The following NFIB variants were observed in gnomAD, a reference collection of about 807,000 sequenced individuals.
NFIB encodes the protein nuclear factor 1 B-type.
NFIB carries 11 observed loss-of-function variants against 61.5 expected under a neutral mutation model. The ratio of observed to expected loss-of-function variants is 0.18; its 90% CI spans 0.11 to 0.30. NFIB has a LOEUF of 0.30. Ranked by LOEUF, NFIB falls within the 10% of genes least tolerant of loss-of-function variation. The pLI, the probability that NFIB is intolerant of heterozygous loss-of-function variation, is 1.00. For missense variants in NFIB, 471 were observed against 608.9 expected, an observed-to-expected ratio of 0.77 and a Z score of 2.38; for synonymous variants, 260 against 216.5, an observed-to-expected ratio of 1.20 and a Z score of -1.76.
At chr9:14,157,234 C>A (rs913831429) in intron 3 of NFIB, among the ~76,000 whole-genome samples, 1 of 152,144 alleles carries the variant, frequency 6.6e-6, no homozygotes, top group East Asian at 1.9e-4. Context: ...GCACACTGGC[C>A]TCCAGACAGT....
At chr9:14,361,945 G>C (rs989862871) in intron 1 of NFIB, 3 of 152,124 alleles carry the variant, frequency 2.0e-5, no homozygotes, top group African/African-American at 7.2e-5. Flanking sequence ...CAGCAAGTTT[G>C]CTTTTTCCTT....
At chr9:14,169,801 G>A (rs971086682) in intron 3 of NFIB, among the ~76,000 whole-genome samples, 1 of 152,158 alleles carries the variant, frequency 6.6e-6, no homozygotes, top group African/African-American at 2.4e-5. Context: ...CTGGGCAACA[G>A]AGCAAGACTC....
At chr9:14,246,575 G>A (rs2054955157) in intron 2 of NFIB, among the ~76,000 whole-genome samples, 1 of 152,174 alleles carries the variant, frequency 6.6e-6, no homozygotes, top group South Asian at 2.1e-4. Context: ...TAGAGTGAAT[G>A]CCCATATGTT....
chr9:14,499,063 T>C, the NFIB span, among the ~76,000 whole-genome samples: 1 of 151,810 alleles, frequency 6.6e-6, no homozygotes, highest in South Asian at 2.1e-4. Context: ...TGTGTGCGTG[T>C]GTGGGTGTGT....
the NFIB span, among the ~76,000 whole-genome samples, chr9:14,476,741 G>C: frequency 6.6e-6 from 1 of 152,132 alleles, no homozygotes; most frequent in Non-Finnish European, 1.5e-5. Context: ...AGAAAACCCG[G>C]TAATCTCTGA....
Position 14,085,912 on chromosome 9 carries a change from T to C in NFIB, c.*2397A>G, listed in dbSNP as rs897997070. ...CATCCAACATCCCCTATGTGGACATTTCAACAAATATTTTTGCCAAATATG... is the reference window on the plus strand; with the variant it reads ...CATCCAACATCCCCTATGTGGACATCTCAACAAATATTTTTGCCAAATATG... On this transcript the variant is annotated 3_prime_UTR_variant, in exon 11 of 11. Coordinates refer to ENST00000380953, the MANE Select transcript of NFIB (RefSeq NM_001190737.2). The C allele has an allele frequency of 4.4e-6, 1 of 227,358 alleles. No individual in the cohort carries two copies. Among genetic ancestry groups the C allele is most frequent in the African/African-American group, 2.2e-5 (1 of 45,028 alleles). The allele number at this position is 227,358 out of a possible 1,614,324, so 14.1% of individuals were successfully genotyped here. A position where few individuals can be genotyped will look rare whatever the true frequency, so the allele number is the denominator to read the frequency against.
At chr9:14,234,912 G>C (rs181293934) in intron 2 of NFIB, among the ~76,000 whole-genome samples, 75 of 149,690 alleles carry the variant, frequency 5.0e-4, no homozygotes, top group Admixed American at 1.7e-3. Flanking sequence ...TCAACCAGGG[G>C]ACAAAAAAAA....
At chr9:14,512,892 C>T in the NFIB span, among the ~76,000 whole-genome samples, 7 of 136,408 alleles carry the variant, frequency 5.1e-5, no homozygotes, top group Non-Finnish European at 7.7e-5. Context: ...TTTGAAACTT[C>T]GAAAGAATTT....
chr9:14,413,718 T>A, the NFIB span, among the ~76,000 whole-genome samples: 1,298 of 152,294 alleles, frequency 8.5e-3, 17 homozygotes, highest in African/African-American at 0.03. Flanking sequence ...TGGGACATGG[T>A]ACAGCTATTT....
intron 6 of NFIB, among the ~76,000 whole-genome samples, chr9:14,135,855 C>T (rs890726685): frequency 2.0e-5 from 3 of 152,064 alleles, no homozygotes; most frequent in African/African-American, 7.2e-5. Flanking sequence ...AAATGAAATT[C>T]TTACTTTAAT....
chr9:14,365,532 G>T (rs893216728), intron 1 of NFIB, among the ~76,000 whole-genome samples: 1 of 152,206 alleles, frequency 6.6e-6, no homozygotes, highest in East Asian at 1.9e-4. Context: ...AGACCAGGAG[G>T]AATAAGCATG....
chr9:14,338,910 C>T (rs61081445), intron 1 of NFIB, among the ~76,000 whole-genome samples: 5 of 151,088 alleles, frequency 3.3e-5, no homozygotes, highest in African/African-American at 7.3e-5. Context: ...GATAGTTTTC[C>T]GTCTACTGTC....
At chr9:14,105,620 G>A (rs2036449811) in intron 10 of NFIB, among the ~76,000 whole-genome samples, 1 of 152,022 alleles carries the variant, frequency 6.6e-6, no homozygotes, top group African/African-American at 2.4e-5. Flanking sequence ...GGTATGGGTG[G>A]GGGATGCAAT....
rs2060424015 is a variant in NFIB, at chr9:14,314,089, A to G, written c.-578T>C. 9.6e-7 allele frequency: 1 copy of G among 1,043,120 alleles called. No homozygotes were observed. Among genetic ancestry groups the G allele is most frequent in the African/African-American group, 1.7e-5 (1 of 58,878 alleles). 64.6% of individuals were successfully genotyped at this position (1,043,120 alleles called of 1,614,324 possible). A position where few individuals can be genotyped will look rare whatever the true frequency, so the allele number is the denominator to read the frequency against. ...TCCCGGAGTGGTGATCGCAGGCGAA[A>G]CTTTGCCGCGAGCCGACCATGTGTG... On this transcript the variant is annotated 5_prime_UTR_variant, in exon 1 of 11. Transcript: ENST00000380953.
chr9:14,466,600 T>C, the NFIB span, among the ~76,000 whole-genome samples: 2 of 152,162 alleles, frequency 1.3e-5, no homozygotes, highest in Non-Finnish European at 2.9e-5. Flanking sequence ...CAGCCTTCCC[T>C]CCTGCTCTCC....
At chr9:14,203,165 A>ATT (rs112873561) in intron 2 of NFIB, among the ~76,000 whole-genome samples, 25,066 of 148,938 alleles carry the variant, frequency 0.17, 2,325 homozygotes, top group East Asian at 0.42. Flanking sequence ...CAGCCCCCAC[A>ATT]TTTTTTTTTT....
At chr9:14,111,352 G>A (rs750346977) in intron 10 of NFIB, among the ~76,000 whole-genome samples, 1 of 152,152 alleles carries the variant, frequency 6.6e-6, no homozygotes, top group African/African-American at 2.4e-5. Flanking sequence ...TTAGGGTAGT[G>A]GAGGAGGAAG....
Position 14,085,292 on chromosome 9 carries a change from G to C in NFIB, c.*3017C>G, listed in dbSNP as rs1009101558. ...TTTATTAGGCCATGGCCTAGGGGAA[G>C]GGGGCCAGGGGACTCCTTAAGACAG... On this transcript the variant is annotated 3_prime_UTR_variant, in exon 11 of 11. Coordinates refer to ENST00000380953, the MANE Select transcript of NFIB (RefSeq NM_001190737.2). 2.2e-5 allele frequency: 5 copies of C among 226,056 alleles called. No homozygotes were observed. Among genetic ancestry groups the C allele is most frequent in the Middle Eastern group, 1.3e-3 (1 of 758 alleles). The allele number at this position is 226,056 out of a possible 1,614,324, so 14.0% of individuals were successfully genotyped here.
the NFIB span, among the ~76,000 whole-genome samples, chr9:14,468,671 A>T: frequency 0.13 from 19,887 of 152,242 alleles, 1,425 homozygotes; most frequent in African/African-American, 0.19. Flanking sequence ...GGAACTGGAT[A>T]GAAAACTGGT....
Sources: allele counts gnomAD v4.1 joint callset (sites outside exome capture counted in the v4.1 genomes callset), GRCh38; gene constraint gnomAD v4.1.1; transcripts MANE v1.5; gene names NCBI Gene and HGNC (gene_info 2026-07-23, HGNC 2026-07-21).